The following PTPRD variants were observed in gnomAD, a reference collection of about 807,000 sequenced individuals.
The protein encoded by PTPRD is receptor-type tyrosine-protein phosphatase delta.
PTPRD carries 34 observed loss-of-function variants against 214.5 expected under a neutral mutation model. The ratio of observed to expected loss-of-function variants is 0.16; its 90% CI spans 0.12 to 0.21. The LOEUF is 0.21. Ranked by LOEUF, PTPRD falls within the 10% of genes least tolerant of loss-of-function variation. The probability of loss-of-function intolerance (pLI) is 1.00; values close to 1 mark genes in which losing one functional copy is unlikely to be tolerated. For synonymous variants in PTPRD, 1,128 were observed against 845.7 expected (o/e 1.33, Z -5.79); for missense variants, 2,545 against 2,398.7 (o/e 1.06, Z -1.27).
At chr9:10,525,440 C>A (rs1270330317) in intron 2 of PTPRD, among the ~76,000 whole-genome samples, 1 of 151,900 alleles carries the variant, frequency 6.6e-6, no homozygotes, top group Non-Finnish European at 1.5e-5. Flanking sequence ...ATACTCAGTA[C>A]AAATTACAGA....
chr9:10,099,051 A>G (rs1413774280), intron 3 of PTPRD, among the ~76,000 whole-genome samples: 1 of 151,798 alleles, frequency 6.6e-6, no homozygotes, highest in African/African-American at 2.4e-5. Context: ...AGTTACAGAA[A>G]TATGTGGTAG....
At chr9:8,553,637 CA>C (rs1455926687) in intron 14 of PTPRD, among the ~76,000 whole-genome samples, 1 of 152,152 alleles carries the variant, frequency 6.6e-6, no homozygotes, top group East Asian at 1.9e-4. Context: ...CATGACTCAG[CA>C]TTCTAAAATG....
intron 14 of PTPRD, among the ~76,000 whole-genome samples, chr9:8,621,197 G>T (rs2095810219): frequency 6.6e-6 from 1 of 151,810 alleles, no homozygotes; most frequent in Non-Finnish European, 1.5e-5. Context: ...ACCATTCTGA[G>T]AGAGATTTTC....
intron 3 of PTPRD, among the ~76,000 whole-genome samples, chr9:10,332,775 G>C (rs1024478101): frequency 1.2e-4 from 18 of 151,812 alleles, no homozygotes; most frequent in Non-Finnish European, 2.7e-4. Flanking sequence ...TCCGGTGAAA[G>C]AGTCTGTCTT....
rs555635613 is a variant in PTPRD, at chr9:9,445,855, A to C, written c.-236-48373T>G. 1.8e-4 allele frequency among the ~76,000 whole-genome samples: 28 copies of C among 152,280 alleles called. No individual in the cohort carries two copies. The South Asian group carries it at 5.8e-3, about 32-fold the overall frequency. On this transcript the variant is annotated intron_variant, in intron 8 of 45. Transcript: ENST00000381196. ...TAGACAGCAGAAAAGTATAGTGGTA[A>C]TATTACTTTGGGTGTCAGGAACTCT...
At chr9:9,176,862 A>T (rs1410536765) in intron 10 of PTPRD, among the ~76,000 whole-genome samples, 1 of 152,126 alleles carries the variant, frequency 6.6e-6, no homozygotes, top group African/African-American at 2.4e-5. Context: ...TAAATTACTC[A>T]TGCGGGGGTA....
intron 9 of PTPRD, among the ~76,000 whole-genome samples, chr9:9,337,193 GTGA>G (rs2044869679): frequency 6.6e-6 from 1 of 152,130 alleles, no homozygotes; most frequent in Non-Finnish European, 1.5e-5. Flanking sequence ...ACAGAAATAA[GTGA>G]TGCCACCATT....
intron 9 of PTPRD, among the ~76,000 whole-genome samples, chr9:9,307,499 G>C (rs909309706): frequency 3.9e-5 from 6 of 152,176 alleles, no homozygotes; most frequent in African/African-American, 1.4e-4. Context: ...GTCTTCTTTA[G>C]CTATCTCTCA....
At chr9:10,360,390 T>C (rs1300106914) in intron 2 of PTPRD, among the ~76,000 whole-genome samples, 2 of 152,260 alleles carry the variant, frequency 1.3e-5, no homozygotes, top group South Asian at 2.1e-4. Flanking sequence ...GACAATGTCA[T>C]GCCATTGCTA....
At chr9:10,148,042 A>T (rs1258228871) in intron 3 of PTPRD, among the ~76,000 whole-genome samples, 1 of 152,148 alleles carries the variant, frequency 6.6e-6, no homozygotes, top group Non-Finnish European at 1.5e-5. Flanking sequence ...GAGAAATACG[A>T]CTTTCTAAAT....
chr9:10,030,810 C>T (rs185149119), intron 4 of PTPRD, among the ~76,000 whole-genome samples: 307 of 152,296 alleles, frequency 2.0e-3, no homozygotes, highest in Middle Eastern at 6.8e-3. Context: ...ACTCCCATCC[C>T]GCTTCATCTT....
At chr9:10,549,821 T>A (rs987581245) in intron 2 of PTPRD, among the ~76,000 whole-genome samples, 3 of 152,180 alleles carry the variant, frequency 2.0e-5, no homozygotes, top group Non-Finnish European at 4.4e-5. Context: ...AAAAGATTTT[T>A]TTTTAATTTA....
At chr9:8,439,120 A>T (rs1313242655) in intron 34 of PTPRD, among the ~76,000 whole-genome samples, 1 of 152,216 alleles carries the variant, frequency 6.6e-6, no homozygotes, top group Non-Finnish European at 1.5e-5. Flanking sequence ...TTCTAAGACA[A>T]GTAAAAATGG....
Position 8,829,797 on chromosome 9 carries a change from T to C in PTPRD, c.-103-95851A>G, listed in dbSNP as rs567791134. Among the ~76,000 whole-genome samples the C allele has an allele frequency of 2.8e-4, 43 of 152,298 alleles. 2 individuals are homozygous for C. In the South Asian group the frequency reaches 8.9e-3, roughly 32 times the overall value. On this transcript the variant is annotated intron_variant, in intron 11 of 45. Coordinates refer to ENST00000381196, the MANE Select transcript of PTPRD (RefSeq NM_002839.4). ...CTCAGTCTACCACTAATAACCATAA[T>C]CTTCAGCAGGTCATTTACCCTTCCT...
intron 10 of PTPRD, among the ~76,000 whole-genome samples, chr9:9,114,629 T>C (rs936165676): frequency 3.9e-5 from 6 of 152,154 alleles, no homozygotes; most frequent in African/African-American, 1.4e-4. Context: ...GGATAAAAGA[T>C]GCTTGGACTG....
chr9:9,094,325 A>G (rs2099780446), intron 10 of PTPRD, among the ~76,000 whole-genome samples: 1 of 152,166 alleles, frequency 6.6e-6, no homozygotes, highest in African/African-American at 2.4e-5. Context: ...TAAGACATCG[A>G]TTGCCACTCA....
chr9:10,004,639 C>T lies in PTPRD; in HGVS notation c.-472+29079G>A, dbSNP rs10978161. Reference sequence around the variant, plus strand: ...TTTACATTTTAACACACACACACACCGCACACACACACACAGTGTAAACAT... The same window carrying T: ...TTTACATTTTAACACACACACACACTGCACACACACACACAGTGTAAACAT... On this transcript the variant is annotated intron_variant, in intron 4 of 45. Coordinates refer to ENST00000381196, the MANE Select transcript of PTPRD (RefSeq NM_002839.4). Among the ~76,000 whole-genome samples, 935 of 151,552 alleles carry T rather than the reference C, an allele frequency of 6.2e-3. 22 individuals are homozygous for T. Among genetic ancestry groups the T allele is most frequent in the East Asian group, 0.041 (210 of 5,168 alleles).
intron 11 of PTPRD, among the ~76,000 whole-genome samples, chr9:8,817,524 G>C (rs569359980): frequency 6.6e-6 from 1 of 152,032 alleles, no homozygotes. Context: ...CCAGCTCCTT[G>C]GGAGGCTGAG....
chr9:10,034,386 C>A (rs1045759305), intron 3 of PTPRD, among the ~76,000 whole-genome samples: 1 of 143,736 alleles, frequency 7.0e-6, no homozygotes, highest in Non-Finnish European at 1.5e-5. Context: ...TTCTCGCACT[C>A]TGTCTCAGCT....
Sources: allele counts gnomAD v4.1 joint callset (sites outside exome capture counted in the v4.1 genomes callset), GRCh38; gene constraint gnomAD v4.1.1; transcripts MANE v1.5; gene names NCBI Gene and HGNC (gene_info 2026-07-23, HGNC 2026-07-21).